PLPP1: variants seen among roughly 807,000 people sequenced by gnomAD.
PLPP1 encodes the protein phospholipid phosphatase 1, also known as lipid phosphate phosphohydrolase 1a.
Under a neutral mutation model 31.2 loss-of-function variants are expected in PLPP1, and 24 were observed. The ratio of observed to expected loss-of-function variants is 0.77; its 90% CI spans 0.56 to 1.08. The LOEUF is 1.08. Ranked by LOEUF, PLPP1 falls within the 50% of genes least tolerant of loss-of-function variation. The pLI is 0.00. For synonymous variants in PLPP1, 146 were observed against 126.3 expected (o/e 1.16, Z -1.05); for missense variants, 319 against 342.7 (o/e 0.93, Z 0.55).
intron 1 of PLPP1, among the ~76,000 whole-genome samples, chr5:55,524,694 C>T (rs1366028088): frequency 6.6e-6 from 1 of 152,088 alleles, no homozygotes; most frequent in African/African-American, 2.4e-5. Context: ...CCTGTAATCC[C>T]AGCTACTCAG....
intron 1 of PLPP1, among the ~76,000 whole-genome samples, chr5:55,532,606 A>C (rs1019418379): frequency 2.6e-5 from 4 of 152,162 alleles, no homozygotes; most frequent in Non-Finnish European, 5.9e-5. Flanking sequence ...GTTGCAAATA[A>C]ATTTGAATAT....
At chr5:55,444,774 G>GTGTGT (rs1452816182) in intron 3 of PLPP1, among the ~76,000 whole-genome samples, 1 of 15,120 alleles carries the variant, frequency 6.6e-5, no homozygotes, top group Admixed American at 6.8e-4. Context: ...TGTGTGTGAT[G>GTGTGT]GAGTCTCGCT....
At chr5:55,521,419 G>A (rs1161205281) in intron 1 of PLPP1, among the ~76,000 whole-genome samples, 1 of 151,708 alleles carries the variant, frequency 6.6e-6, no homozygotes, top group Non-Finnish European at 1.5e-5. Flanking sequence ...CGTGGAGGCT[G>A]AGGTGGGAAA....
Position 55,458,887 on chromosome 5 carries a change from C to CAAAAAAAAAA in PLPP1, c.491+8972_491+8981dup, listed in dbSNP as rs529067608. Among the ~76,000 whole-genome samples the CAAAAAAAAAA allele has an allele frequency of 1.8e-3, 37 of 21,100 alleles. 2 individuals are homozygous for CAAAAAAAAAA. Among genetic ancestry groups the CAAAAAAAAAA allele is most frequent in the African/African-American group, 2.2e-3 (20 of 9,188 alleles). The allele number at this position is 21,100 out of a possible 152,430, so 13.8% of individuals were successfully genotyped here. On this transcript the variant is annotated intron_variant, in intron 3 of 5. Coordinates refer to ENST00000307259, the MANE Select transcript of PLPP1 (RefSeq NM_003711.4). ...TGGGCAACAGAGGAGACCCTGTCTC[C>CAAAAAAAAAA]AAAAAAAAAAAAAAAAAAAAAAAAA... is the stretch of plus-strand genomic sequence containing the variant.
At chr5:55,463,651 A>C (rs1752218587) in intron 3 of PLPP1, among the ~76,000 whole-genome samples, 1 of 151,958 alleles carries the variant, frequency 6.6e-6, no homozygotes, top group Non-Finnish European at 1.5e-5. Context: ...AAAAGAAAAG[A>C]AAAAGTTGAT....
At chr5:55,449,395 T>G (rs1561227701) in intron 3 of PLPP1, among the ~76,000 whole-genome samples, 1 of 152,202 alleles carries the variant, frequency 6.6e-6, no homozygotes. Context: ...TGTCAAAATA[T>G]CTGACATGCC....
intron 3 of PLPP1, among the ~76,000 whole-genome samples, chr5:55,443,778 T>C (rs1478021773): frequency 1.3e-5 from 2 of 152,236 alleles, no homozygotes; most frequent in South Asian, 4.1e-4. Flanking sequence ...TGAAGAAGTC[T>C]GGCTATGACT....
At position 55,525,906 on chromosome 5, in the gene PLPP1, A is replaced by T. The variant is rs1019256214; in HGVS notation, c.58+8666T>A. Among the ~76,000 whole-genome samples the T allele has an allele frequency of 2.0e-5, 3 of 152,132 alleles. 1 individual carries two copies. Among genetic ancestry groups the T allele is most frequent in the Admixed American group, 2.0e-4 (3 of 15,272 alleles). Reference sequence around the variant, plus strand: ...ACAAGACAGTATCTCTATAATCCTTAATTAGCTGATTGTACAGACTGTATG... The same window carrying T: ...ACAAGACAGTATCTCTATAATCCTTTATTAGCTGATTGTACAGACTGTATG... On this transcript the variant is annotated intron_variant, in intron 1 of 5. Coordinates refer to ENST00000307259, the MANE Select transcript of PLPP1 (RefSeq NM_003711.4).
chr5:55,459,065 A>T (rs13355590), intron 3 of PLPP1, among the ~76,000 whole-genome samples: 27,735 of 151,600 alleles, frequency 0.18, 2,607 homozygotes, highest in Admixed American at 0.19. Context: ...AAATTCAGAG[A>T]TTCGAATAAG....
At chr5:55,534,263 G>T (rs981202820) in intron 1 of PLPP1, among the ~76,000 whole-genome samples, 4 of 152,166 alleles carry the variant, frequency 2.6e-5, no homozygotes, top group African/African-American at 9.7e-5. Context: ...GAGGGGAGGA[G>T]CCCACCCTGC....
intron 3 of PLPP1, among the ~76,000 whole-genome samples, chr5:55,461,427 A>AGTCC (rs1215333022): frequency 6.6e-6 from 1 of 152,192 alleles, no homozygotes; most frequent in Non-Finnish European, 1.5e-5. Context: ...TCCATGACTA[A>AGTCC]GTATATACCC....
chr5:55,448,471 A>ATG (rs1751819965), intron 3 of PLPP1, among the ~76,000 whole-genome samples: 1 of 119,956 alleles, frequency 8.3e-6, no homozygotes, highest in Non-Finnish European at 1.8e-5. Flanking sequence ...TTTTTTTGAC[A>ATG]GAGTCTTGCT....
intron 4 of PLPP1, among the ~76,000 whole-genome samples, chr5:55,440,740 A>G (rs1295259525): frequency 6.6e-6 from 1 of 152,236 alleles, no homozygotes; most frequent in Non-Finnish European, 1.5e-5. Flanking sequence ...GTTTTTTCAA[A>G]TAAAAGCAAG....
intron 4 of PLPP1, among the ~76,000 whole-genome samples, chr5:55,434,702 G>A (rs912049539): frequency 3.9e-5 from 6 of 152,116 alleles, no homozygotes; most frequent in African/African-American, 1.4e-4. Context: ...AAATGGTGCT[G>A]GGAAAATTGG....
At chr5:55,526,711 TCACGAGGTCAGGAGATCGAGAC>T (rs1453704514) in intron 1 of PLPP1, among the ~76,000 whole-genome samples, 1 of 152,046 alleles carries the variant, frequency 6.6e-6, no homozygotes, top group Non-Finnish European at 1.5e-5. Flanking sequence ...GGTGGGCGGA[TCACGAGGTCAGGAGATCGAGAC>T]CATCCTGGCT....
chr5:55,504,474 G>C (rs1341643046), intron 1 of PLPP1, among the ~76,000 whole-genome samples: 1 of 143,142 alleles, frequency 7.0e-6, no homozygotes. Flanking sequence ...GCAGTGAGCC[G>C]AGATTGTGCC....
At chr5:55,441,532 C>T (rs753091062) in intron 4 of PLPP1, among the ~76,000 whole-genome samples, 2 of 152,202 alleles carry the variant, frequency 1.3e-5, no homozygotes, top group African/African-American at 4.8e-5. Context: ...CTGCTGTTCG[C>T]CCACACTGAG....
At position 55,424,874 on chromosome 5, in the gene PLPP1, T is replaced by TAATA. The variant is rs1751126298; in HGVS notation, c.*328_*331dup. 1.3e-6 allele frequency: 1 copy of TAATA among 777,472 alleles called. No individual in the cohort carries two copies. The highest frequency in any genetic ancestry group is 2.2e-6 in the Non-Finnish European group (1 of 459,458). 48.2% of individuals were successfully genotyped at this position (777,472 alleles called of 1,614,324 possible). A position where few individuals can be genotyped will look rare whatever the true frequency, so the allele number is the denominator to read the frequency against. On this transcript the variant is annotated 3_prime_UTR_variant, in exon 6 of 6. Transcript: ENST00000307259. ...GTGGATTTGGTTCTCCCATACATTT[T>TAATA]AATATGTATTATATTTAAATCAAAC...
intron 1 of PLPP1, among the ~76,000 whole-genome samples, chr5:55,507,346 T>C (rs182288055): frequency 1.7e-4 from 26 of 152,262 alleles, no homozygotes; most frequent in Non-Finnish European, 3.8e-4. Context: ...TCTGGAATTA[T>C]CAGTTATAAA....
Sources: allele counts gnomAD v4.1 joint callset (sites outside exome capture counted in the v4.1 genomes callset), GRCh38; gene constraint gnomAD v4.1.1; transcripts MANE v1.5; gene names NCBI Gene and HGNC (gene_info 2026-07-23, HGNC 2026-07-21).